The following ACTR3C variants were observed in gnomAD, a reference collection of about 807,000 sequenced individuals.
The protein encoded by ACTR3C is actin related protein 3C.
ACTR3C carries 18 observed loss-of-function variants against 26.3 expected under a neutral mutation model. The observed-to-expected ratio is 0.68, with a 90% CI of 0.47 to 1.01. The LOEUF is 1.01. ACTR3C is among the 50% of genes least tolerant of loss of function. ACTR3C has a pLI of 0.00. For missense variants in ACTR3C, 184 were observed against 250.7 expected (o/e 0.73, Z 1.80); for synonymous variants, 55 against 94.5 (o/e 0.58, Z 2.42).
chr7:149,924,626 G>A, the ACTR3C span, among the ~76,000 whole-genome samples: 7 of 151,998 alleles, frequency 4.6e-5, no homozygotes, highest in East Asian at 1.9e-4. Context: ...CCAATAACAC[G>A]TTTTGGTTTT....
the ACTR3C span, among the ~76,000 whole-genome samples, chr7:150,048,505 G>A: frequency 2.0e-5 from 3 of 152,166 alleles, no homozygotes; most frequent in African/African-American, 7.2e-5. Flanking sequence ...GGAGTCCCGG[G>A]AGCTGAGGGT....
chr7:149,979,055 C>T, the ACTR3C span, among the ~76,000 whole-genome samples: 1 of 152,212 alleles, frequency 6.6e-6, no homozygotes, highest in Admixed American at 6.5e-5. Context: ...TGCTACCCGT[C>T]TGCTCACCTG....
the ACTR3C span, among the ~76,000 whole-genome samples, chr7:150,208,424 C>T: frequency 6.6e-6 from 1 of 152,134 alleles, no homozygotes; most frequent in African/African-American, 2.4e-5. Flanking sequence ...CAGTGGTGCC[C>T]TGACACTCAC....
the ACTR3C span, among the ~76,000 whole-genome samples, chr7:149,966,218 A>C: frequency 9.9e-5 from 15 of 152,150 alleles, no homozygotes; most frequent in Non-Finnish European, 1.8e-4. Context: ...ACAGGAGCTC[A>C]TTCTGTGGAC....
chr7:150,030,413 G>T, the ACTR3C span, among the ~76,000 whole-genome samples: 1 of 151,740 alleles, frequency 6.6e-6, no homozygotes, highest in African/African-American at 2.4e-5. Flanking sequence ...TGTCACCAGA[G>T]AGTGCTAACC....
intron 6 of ACTR3C, among the ~76,000 whole-genome samples, chr7:150,281,422 T>C (rs944331690): frequency 2.0e-5 from 3 of 149,678 alleles, no homozygotes; most frequent in African/African-American, 7.5e-5. Context: ...TAGCAGGGAG[T>C]GCACCGAGCA....
the ACTR3C span, among the ~76,000 whole-genome samples, chr7:150,144,075 G>A: frequency 6.6e-6 from 1 of 152,066 alleles, no homozygotes; most frequent in Non-Finnish European, 1.5e-5. The surrounding 1 kb of genome is among the most constrained non-coding windows in gnomAD (Gnocchi z 4.6). Context: ...TGCTAAGGTG[G>A]TAAGAAGGCT....
chr7:150,245,434 C>T (rs1348012242), downstream of ACTR3C: 1 of 152,176 alleles, frequency 6.6e-6, no homozygotes, highest in Non-Finnish European at 1.5e-5. Flanking sequence ...GCTGCTCTGT[C>T]ATCTCAATGT....
chr7:150,037,451 CG>C, the ACTR3C span, among the ~76,000 whole-genome samples: 5 of 42,054 alleles, frequency 1.2e-4, no homozygotes, highest in South Asian at 9.5e-4. Context: ...CCCTGCCTCG[CG>C]GGGGGTGCCT....
the ACTR3C span, among the ~76,000 whole-genome samples, chr7:150,090,685 C>T: frequency 6.8e-6 from 1 of 146,374 alleles, no homozygotes; most frequent in Non-Finnish European, 1.5e-5. Flanking sequence ...CTTTTAATTA[C>T]CTATGTGACT....
At chr7:150,211,632 C>G in the ACTR3C span, among the ~76,000 whole-genome samples, 2 of 149,812 alleles carry the variant, frequency 1.3e-5, no homozygotes, top group African/African-American at 5.1e-5. Context: ...TGACGTGACC[C>G]TGAAGGCTGG....
At chr7:149,904,675 G>A in the ACTR3C span, among the ~76,000 whole-genome samples, 61,221 of 139,968 alleles carry the variant, frequency 0.44, 16,283 homozygotes, top group South Asian at 0.7. Flanking sequence ...CAAATTTGAT[G>A]TCAAATTTTT....
At chr7:149,953,205 T>C in the ACTR3C span, among the ~76,000 whole-genome samples, 947 of 149,660 alleles carry the variant, frequency 6.3e-3, 16 homozygotes, top group African/African-American at 0.023. Context: ...AGTCACACCA[T>C]TTTGTAAAGA....
the ACTR3C span, among the ~76,000 whole-genome samples, chr7:150,072,842 G>A: frequency 6.6e-6 from 1 of 152,064 alleles, no homozygotes; most frequent in African/African-American, 2.4e-5. Context: ...GGAAGATACT[G>A]GAAGAGGAAA....
chr7:150,037,113 G>A, the ACTR3C span, among the ~76,000 whole-genome samples: 2 of 100,842 alleles, frequency 2.0e-5, no homozygotes, highest in Non-Finnish European at 4.6e-5. Flanking sequence ...GCCAGGGGGG[G>A]AAGAGGGACT....
chr7:150,163,717 C>T, the ACTR3C span, among the ~76,000 whole-genome samples: 14 of 152,050 alleles, frequency 9.2e-5, no homozygotes, highest in African/African-American at 3.1e-4. Context: ...GGCGTGAATC[C>T]GAGTCCAAGG....
chr7:150,178,849 A>C, the ACTR3C span, among the ~76,000 whole-genome samples: 1 of 150,886 alleles, frequency 6.6e-6, no homozygotes, highest in African/African-American at 2.5e-5. Context: ...AGCTAATCGA[A>C]TTCTTTTTAT....
chr7:150,295,569 T>C (rs1433456366), intron 1 of ACTR3C, among the ~76,000 whole-genome samples: 1 of 152,268 alleles, frequency 6.6e-6, no homozygotes, highest in African/African-American at 2.4e-5. Flanking sequence ...CTGTTCTTAT[T>C]ACCCACCCAA....
chr7:150,236,393 C>G, the ACTR3C span, among the ~76,000 whole-genome samples: 8,975 of 152,140 alleles, frequency 0.059, 488 homozygotes, highest in African/African-American at 0.14. Context: ...ACATAATTGA[C>G]ACCTTGGCAT....
Sources: allele counts gnomAD v4.1 joint callset (sites outside exome capture counted in the v4.1 genomes callset), GRCh38; gene constraint gnomAD v4.1.1; non-coding constraint Gnocchi (gnomAD v3.1); transcripts MANE v1.5; gene names NCBI Gene and HGNC (gene_info 2026-07-23, HGNC 2026-07-21).